Variants in ACTR8 observed in about 807,000 individuals in gnomAD.
ACTR8 encodes the protein actin related protein 8.
A neutral mutation model predicts 84.3 loss-of-function variants in ACTR8; 70 were observed. The ratio of observed to expected loss-of-function variants is 0.83; its 90% CI spans 0.68 to 1.01. The LOEUF is 1.01. Ranked by LOEUF, ACTR8 falls within the 50% of genes least tolerant of loss-of-function variation. The probability of loss-of-function intolerance (pLI) is 0.00; values close to 1 mark genes in which losing one functional copy is unlikely to be tolerated. For missense variants in ACTR8, 672 were observed against 775.4 expected, an observed-to-expected ratio of 0.87 and a Z score of 1.58; for synonymous variants, 268 against 275.2, an observed-to-expected ratio of 0.97 and a Z score of 0.26.
intron 7 of ACTR8, among the ~76,000 whole-genome samples, chr3:53,874,724 TA>T (rs528130238): frequency 1.2e-3 from 159 of 136,538 alleles, no homozygotes; most frequent in Admixed American, 1.1e-3. Context: ...AGATTCTATC[TA>T]AAAAAAAAAA....
Position 53,868,714 on chromosome 3 carries a change from C to T in ACTR8, c.*5G>A. ...TGGTCTTCGGCAGTGACATTTCCTC[C>T]CCATTCACCACACAAACGCAGCCCG... On this transcript the variant is annotated 3_prime_UTR_variant, in exon 13 of 13. Transcript: ENST00000335754. The T allele has an allele frequency of 6.2e-7, 1 of 1,613,232 alleles. No homozygotes were observed. Among genetic ancestry groups the T allele is most frequent in the Non-Finnish European group, 8.5e-7 (1 of 1,179,650 alleles).
chr3:53,865,892 T>G (rs971872019), downstream of ACTR8: 4 of 152,246 alleles, frequency 2.6e-5, no homozygotes, highest in Admixed American at 2.0e-4. Flanking sequence ...CATATCTTGA[T>G]TCTTGTACAG....
downstream of ACTR8, among the ~76,000 whole-genome samples, chr3:53,864,307 C>A (rs779574147): frequency 1.3e-5 from 2 of 152,168 alleles, no homozygotes; most frequent in South Asian, 4.1e-4. Context: ...GAGGCCCAGG[C>A]GGGCGGAACA....
chr3:53,869,836 T>C (rs957465704), intron 12 of ACTR8, 146 bp downstream of exon 12: 7 of 932,942 alleles, frequency 7.5e-6, no homozygotes, highest in African/African-American at 5.1e-5. Context: ...ACCACATCTA[T>C]GGCTTGCTGA....
downstream of ACTR8, among the ~76,000 whole-genome samples, chr3:53,862,823 T>C (rs12637033): frequency 0.022 from 3,404 of 152,262 alleles, 115 homozygotes; most frequent in East Asian, 0.14. Context: ...GGAGGAAGGA[T>C]TGGTACCATA....
At chr3:53,876,144 G>C (rs1411369018) in intron 6 of ACTR8, 64 bp from the exon 7 acceptor site, 1 of 1,586,886 alleles carries the variant, frequency 6.3e-7, no homozygotes, top group Non-Finnish European at 8.6e-7. Context: ...TCCCAAAACA[G>C]ATAATCAGCT....
intron 12 of ACTR8, among the ~76,000 whole-genome samples, chr3:53,869,637 CAGA>C (rs1335401249): frequency 1.3e-5 from 2 of 152,166 alleles, no homozygotes; most frequent in South Asian, 2.1e-4. Context: ...GTCCAGGGAG[CAGA>C]AGGAGATCCT....
rs1026768442 is a variant in ACTR8, at chr3:53,867,911, G to A, written c.*808C>T. 6.6e-6 allele frequency: 1 copy of A among 152,162 alleles called. No homozygotes were observed. Among genetic ancestry groups the A allele is most frequent in the Non-Finnish European group, 1.5e-5 (1 of 68,034 alleles). 9.4% of individuals were successfully genotyped at this position (152,162 alleles called of 1,614,324 possible). ...AAATTGAGGCTTGATGACTAAGTTGGTAGTATTAATAACTACATCAGTCAC... is the reference window on the plus strand; with the variant it reads ...AAATTGAGGCTTGATGACTAAGTTGATAGTATTAATAACTACATCAGTCAC... On this transcript the variant is annotated 3_prime_UTR_variant, in exon 13 of 13. Coordinates refer to ENST00000335754, the MANE Select transcript of ACTR8 (RefSeq NM_022899.5).
Position 53,876,200 on chromosome 3 carries a change from C to T in ACTR8, c.779-120G>A. 4 of 1,227,848 alleles carry T rather than the reference C, an allele frequency of 3.3e-6. No homozygotes were observed. In the South Asian group the frequency reaches 5.8e-5, roughly 18 times the overall value. 76.1% of individuals were successfully genotyped at this position (1,227,848 alleles called of 1,614,324 possible). On this transcript the variant is annotated intron_variant, in intron 6 of 12. Coordinates refer to ENST00000335754, the MANE Select transcript of ACTR8 (RefSeq NM_022899.5). ...CTCTGGGCAGGGCATCTGAGGAACA[C>T]TGATCCTTTCAGAATAAGCATTTAA...
chr3:53,877,576 G>A, intron 4 of ACTR8, 71 bp downstream of exon 4: 2 of 1,490,822 alleles, frequency 1.3e-6, no homozygotes, highest in African/African-American at 1.4e-5. Flanking sequence ...GGACTGGGTG[G>A]CAACGTAAAT....
chr3:53,870,898 A>C lies in ACTR8; in HGVS notation c.1567+334T>G, dbSNP rs1559791231. 6.6e-6 allele frequency among the ~76,000 whole-genome samples: 1 copy of C among 152,194 alleles called. No individual in the cohort carries two copies. The highest frequency in any genetic ancestry group is 6.5e-5 in the Admixed American group (1 of 15,284). ...CCATCCCCTAGTGAGTAAAGATTCT[A>C]TGTGAAATTCCTCAAATTATTACAC... On this transcript the variant is annotated intron_variant, in intron 11 of 12. Coordinates refer to ENST00000335754, the MANE Select transcript of ACTR8 (RefSeq NM_022899.5). This position sits in a 1 kb window ranked among gnomAD's most constrained non-coding sequence, Gnocchi z 4.1.
chr3:53,871,190 C>A (rs1340854720), intron 11 of ACTR8, 42 bp downstream of exon 11: 5 of 1,593,224 alleles, frequency 3.1e-6, no homozygotes, highest in Non-Finnish European at 4.3e-6. Flanking sequence ...TAACTGCTAT[C>A]TTGTTTCACT....
At chr3:53,879,178 C>T (rs56743403) in intron 2 of ACTR8, among the ~76,000 whole-genome samples, 36,405 of 152,034 alleles carry the variant, frequency 0.24, 5,130 homozygotes, top group East Asian at 0.4. Flanking sequence ...ATTTCTTAAA[C>T]GTACTCCCTA....
intron 1 of ACTR8, chr3:53,881,773 C>T: frequency 1.3e-6 from 1 of 779,134 alleles, no homozygotes; most frequent in East Asian, 2.7e-5. Flanking sequence ...TGCGGGGGCT[C>T]CGCCTGGCTC....
At chr3:53,869,117 T>G (rs1035088280) in intron 12 of ACTR8, among the ~76,000 whole-genome samples, 2 of 152,108 alleles carry the variant, frequency 1.3e-5, no homozygotes, top group Non-Finnish European at 2.9e-5. Context: ...CCGCCTCTAC[T>G]AAAAATACAA....
At chr3:53,860,472 A>G in the ACTR8 span, 2 of 355,160 alleles carry the variant, frequency 5.6e-6, no homozygotes, top group Non-Finnish European at 1.0e-5. Flanking sequence ...TTTACCATTG[A>G]GCCTTCTACC....
the ACTR8 span, chr3:53,860,224 G>C: frequency 1.2e-6 from 2 of 1,610,674 alleles, no homozygotes; most frequent in South Asian, 2.2e-5. Context: ...TAATGTGGAG[G>C]CACGGTAAGG....
intron 7 of ACTR8, 55 bp from the exon 8 acceptor site, chr3:53,874,419 A>G: frequency 6.4e-7 from 1 of 1,552,746 alleles, no homozygotes; most frequent in Non-Finnish European, 8.7e-7. Context: ...AAGGTGCAAA[A>G]GGTGTTTGAA....
chr3:53,870,259 C>T lies in ACTR8; in HGVS notation c.1568-114G>A, dbSNP rs1394127741. The T allele has an allele frequency of 2.5e-5, 31 of 1,253,108 alleles. No homozygotes were observed. Among genetic ancestry groups the T allele is most frequent in the Non-Finnish European group, 3.3e-5 (30 of 897,484 alleles). 77.6% of individuals were successfully genotyped at this position (1,253,108 alleles called of 1,614,324 possible). On this transcript the variant is annotated intron_variant, in intron 11 of 12. Transcript: ENST00000335754. The surrounding 1 kb of genome is among the most constrained non-coding windows in gnomAD (Gnocchi z 4.1). Reference sequence around the variant, plus strand: ...CAATAGCCTTCTCAAAGATTTCCCTCCAGCCCACCCTCCACACTGCAGCCA... The same window carrying T: ...CAATAGCCTTCTCAAAGATTTCCCTTCAGCCCACCCTCCACACTGCAGCCA...
Sources: allele counts gnomAD v4.1 joint callset (sites outside exome capture counted in the v4.1 genomes callset), GRCh38; gene constraint gnomAD v4.1.1; non-coding constraint Gnocchi (gnomAD v3.1); transcripts MANE v1.5; gene names NCBI Gene and HGNC (gene_info 2026-07-23, HGNC 2026-07-21).